BMPER: variants seen among roughly 807,000 people sequenced by gnomAD.
The protein encoded by BMPER is BMP-binding endothelial regulator protein.
A neutral mutation model predicts 87.3 loss-of-function variants in BMPER; 45 were observed. The observed-to-expected ratio is 0.52, with a 90% confidence interval of 0.41 to 0.66. The LOEUF (loss-of-function observed/expected upper bound fraction) is 0.66, where lower values mean the gene tolerates loss of function less well. Ranked by LOEUF, BMPER falls within the 30% of genes least tolerant of loss-of-function variation. The pLI is 0.00. For missense variants in BMPER, 784 were observed against 867.5 expected, an observed-to-expected ratio of 0.90 and a Z score of 1.21; for synonymous variants, 326 against 316.2, an observed-to-expected ratio of 1.03 and a Z score of -0.33.
At chr7:34,028,759 C>T (rs148750379) in intron 6 of BMPER, among the ~76,000 whole-genome samples, 4 of 151,662 alleles carry the variant, frequency 2.6e-5, no homozygotes, top group Admixed American at 6.6e-5. Flanking sequence ...AGGCACTAAC[C>T]GTGGGTTCTA....
intron 6 of BMPER, among the ~76,000 whole-genome samples, chr7:33,993,388 C>T (rs1440129304): frequency 6.6e-6 from 1 of 152,156 alleles, no homozygotes; most frequent in East Asian, 1.9e-4. Flanking sequence ...TCACTGATAC[C>T]CTTTCTTCCA....
rs191486164 is a variant in BMPER at position 33,984,015 on chromosome 7, A to G, written c.576+9231A>G. On this transcript the variant is annotated intron_variant, in intron 6 of 14. Coordinates refer to ENST00000649409, the MANE Select transcript of BMPER (RefSeq NM_001365308.1). ...ATTTGTCTCCATAATGCCAGTGTGA[A>G]TGAAGAACACATATCTGTTATCCTC... 1.0e-3 allele frequency among the ~76,000 whole-genome samples: 153 copies of G among 152,326 alleles called. 1 individual carries two copies. The highest frequency in any genetic ancestry group is 3.4e-3 in the African/African-American group (143 of 41,572).
At chr7:34,085,531 T>A (rs543379318) in intron 12 of BMPER, among the ~76,000 whole-genome samples, 1 of 152,288 alleles carries the variant, frequency 6.6e-6, no homozygotes, top group East Asian at 1.9e-4. Flanking sequence ...CAGGACAAAC[T>A]TTATACGGTT....
intron 6 of BMPER, among the ~76,000 whole-genome samples, chr7:34,033,836 G>T (rs1167799613): frequency 6.6e-6 from 1 of 152,184 alleles, no homozygotes; most frequent in African/African-American, 2.4e-5. Flanking sequence ...AATATTTAGG[G>T]TACTTCTGGT....
chr7:34,149,022 T>C lies in BMPER; in HGVS notation c.1877-4070T>C, dbSNP rs185741442. ...AATGATGGGTTGAATATCATTAATA[T>C]GAAATCCCCATCCAGGAGGCATGCA... is the stretch of plus-strand genomic sequence containing the variant. On this transcript the variant is annotated intron_variant, in intron 14 of 14. Coordinates refer to ENST00000649409, the MANE Select transcript of BMPER (RefSeq NM_001365308.1). Among the ~76,000 whole-genome samples, 25 of 152,252 alleles carry C rather than the reference T, an allele frequency of 1.6e-4. No homozygotes were observed. In the East Asian group the frequency reaches 4.1e-3, roughly 25 times the overall value.
chr7:34,119,061 A>G (rs1451290470), intron 13 of BMPER, among the ~76,000 whole-genome samples: 1 of 125,786 alleles, frequency 8.0e-6, no homozygotes, highest in Non-Finnish European at 1.8e-5. Flanking sequence ...TGACACATAT[A>G]CATGCACGCT....
At chr7:34,028,601 GTTTTTTTTTTTTTTTTTT>G in intron 6 of BMPER, among the ~76,000 whole-genome samples, 13 of 36,058 alleles carry the variant, frequency 3.6e-4, no homozygotes, top group Admixed American at 5.7e-4. Context: ...CATTTTTTCT[GTTTTTTTTTTTTTTTTTT>G]TTTTTTTTTT....
intron 6 of BMPER, among the ~76,000 whole-genome samples, chr7:33,994,301 G>T (rs529624105): frequency 2.8e-4 from 43 of 152,350 alleles, no homozygotes; most frequent in African/African-American, 8.9e-4. Flanking sequence ...CTCCGAGCCA[G>T]GTGCGGGATA....
intron 2 of BMPER, among the ~76,000 whole-genome samples, chr7:33,908,675 A>G (rs1783880661): frequency 6.6e-6 from 1 of 152,232 alleles, no homozygotes; most frequent in African/African-American, 2.4e-5. Context: ...CATTTAAGTA[A>G]CAGTTGTAGG....
intron 6 of BMPER, among the ~76,000 whole-genome samples, chr7:33,994,112 G>A (rs1206055893): frequency 7.6e-5 from 4 of 52,342 alleles, no homozygotes; most frequent in African/African-American, 1.9e-4. Flanking sequence ...AGCCTACAGA[G>A]GCAGGCAGGC....
intron 6 of BMPER, among the ~76,000 whole-genome samples, chr7:34,020,300 C>T (rs1787145126): frequency 6.6e-6 from 1 of 151,940 alleles, no homozygotes; most frequent in Non-Finnish European, 1.5e-5. Context: ...TCAGTGTTTC[C>T]TGCCTACTGG....
chr7:33,944,851 C>T (rs1048177632), intron 3 of BMPER, among the ~76,000 whole-genome samples: 43 of 152,146 alleles, frequency 2.8e-4, no homozygotes, highest in African/African-American at 9.7e-4. Context: ...TACTACTATG[C>T]TCATTCTTTA....
intron 6 of BMPER, among the ~76,000 whole-genome samples, chr7:34,040,112 T>C (rs1476522516): frequency 6.6e-6 from 1 of 151,988 alleles, no homozygotes; most frequent in Admixed American, 6.6e-5. Context: ...AATTCAGACT[T>C]CTGAGGAGGG....
At chr7:34,055,346 G>T (rs751625841) in intron 9 of BMPER, 43 bp downstream of exon 9, 1 of 1,612,024 alleles carries the variant, frequency 6.2e-7, no homozygotes, top group Non-Finnish European at 8.5e-7. Context: ...GTATTACTAC[G>T]CTGACAATTA....
intron 9 of BMPER, among the ~76,000 whole-genome samples, chr7:34,056,147 G>A (rs938606065): frequency 6.6e-6 from 1 of 152,194 alleles, no homozygotes; most frequent in Non-Finnish European, 1.5e-5. Context: ...AAGAAGACAT[G>A]AAGTGTCGCA....
intron 6 of BMPER, among the ~76,000 whole-genome samples, chr7:34,019,811 A>G (rs1319474443): frequency 6.6e-6 from 1 of 151,958 alleles, no homozygotes; most frequent in African/African-American, 2.4e-5. Flanking sequence ...GACTGTAAAG[A>G]GGTGTGAAGT....
chr7:33,954,323 G>A (rs565681151), intron 3 of BMPER, among the ~76,000 whole-genome samples: 1 of 152,198 alleles, frequency 6.6e-6, no homozygotes, highest in Admixed American at 6.5e-5. Flanking sequence ...CTACCTGAAA[G>A]TTCATGGTCT....
intron 6 of BMPER, among the ~76,000 whole-genome samples, chr7:34,035,063 G>A (rs1048508644): frequency 6.6e-6 from 1 of 152,126 alleles, no homozygotes; most frequent in African/African-American, 2.4e-5. Flanking sequence ...CCAAGAGCTT[G>A]CCAAGATTGG....
chr7:34,011,583 C>CAAAAAAAAAAAA (rs36022297), intron 6 of BMPER, among the ~76,000 whole-genome samples: 38 of 45,700 alleles, frequency 8.3e-4, no homozygotes, highest in East Asian at 1.5e-3. Flanking sequence ...TTGGTCAGGG[C>CAAAAAAAAAAAA]AAAAAAAAAA....
Sources: allele counts gnomAD v4.1 joint callset (sites outside exome capture counted in the v4.1 genomes callset), GRCh38; gene constraint gnomAD v4.1.1; transcripts MANE v1.5; gene names NCBI Gene and HGNC (gene_info 2026-07-23, HGNC 2026-07-21).